CENPF: variants seen among roughly 807,000 people sequenced by gnomAD.
CENPF encodes the protein centromere protein F.
CENPF carries 214 observed loss-of-function variants against 307.3 expected under a neutral mutation model. The observed-to-expected ratio is 0.70, with a 90% confidence interval of 0.62 to 0.78. CENPF has a LOEUF of 0.78. CENPF is among the 30% of genes least tolerant of loss of function. The probability of loss-of-function intolerance (pLI) is 0.00; values close to 1 mark genes in which losing one functional copy is unlikely to be tolerated. For synonymous variants in CENPF, 1,259 were observed against 1,270.6 expected, an observed-to-expected ratio of 0.99 and a Z score of 0.19; for missense variants, 3,401 against 3,483.9, an observed-to-expected ratio of 0.98 and a Z score of 0.60.
chr1:214,605,066 CA>C (rs1400865937), intron 1 of CENPF, among the ~76,000 whole-genome samples: 1 of 152,092 alleles, frequency 6.6e-6, no homozygotes, highest in Non-Finnish European at 1.5e-5. Context: ...AACAAATTCT[CA>C]AACTCTTGCC....
chr1:214,642,071 C>T lies in CENPF; in HGVS notation c.3733C>T (p.Leu1245Phe). The T allele has an allele frequency of 1.9e-6, 3 of 1,610,868 alleles. No homozygotes were observed. Among genetic ancestry groups the T allele is most frequent in the Non-Finnish European group, 2.5e-6 (3 of 1,179,088 alleles). The change falls in exon 12 of 20, where the codon CTT becomes TTT. Residue 1245 changes from leucine to phenylalanine, a missense_variant. By Grantham distance (22) the Leu-to-Phe change is conservative. Transcript: ENST00000366955. ...QHELQTIRGDLETSNLQDMQS... is the reference protein window; with the variant it reads ...QHELQTIRGDFETSNLQDMQS... Reference sequence around the variant, plus strand: ...TGAATTACAGACAATTAGAGGAGATCTTGAAACCAGCAATTTGCAAGACAT... The same window carrying T: ...TGAATTACAGACAATTAGAGGAGATTTTGAAACCAGCAATTTGCAAGACAT...
intron 14 of CENPF, among the ~76,000 whole-genome samples, chr1:214,650,201 G>C (rs540357045): frequency 3.3e-5 from 5 of 152,126 alleles, no homozygotes; most frequent in South Asian, 2.1e-4. Context: ...ACCAGGCAGT[G>C]GTGGGGAGCC....
chr1:214,605,788 C>CGTG, intron 1 of CENPF: 2 of 1,591,264 alleles, frequency 1.3e-6, no homozygotes, highest in Non-Finnish European at 1.7e-6. Flanking sequence ...GCGGCTCCAC[C>CGTG]GCCTTGGGGC....
intron 16 of CENPF, 103 bp from the exon 17 acceptor site, chr1:214,655,134 ATAAT>A: frequency 1.4e-6 from 1 of 692,292 alleles, no homozygotes; most frequent in Non-Finnish European, 2.2e-6. Context: ...ATTGAATCTA[ATAAT>A]TCTTAAATTT....
intron 7 of CENPF, 82 bp from the exon 8 acceptor site, chr1:214,628,964 G>A (rs1657731299): frequency 2.0e-5 from 21 of 1,032,362 alleles, no homozygotes; most frequent in Non-Finnish European, 2.6e-5. Context: ...AACAATTATA[G>A]CAGTTTTTCT....
At chr1:214,617,413 C>G (rs547536725) in intron 3 of CENPF, among the ~76,000 whole-genome samples, 266 of 152,260 alleles carry the variant, frequency 1.7e-3, no homozygotes, top group Non-Finnish European at 2.9e-3. Flanking sequence ...CACCATTAGC[C>G]ATTCTAAAAG....
intron 11 of CENPF, among the ~76,000 whole-genome samples, chr1:214,639,051 C>T (rs1165089753): frequency 2.0e-5 from 3 of 152,164 alleles, no homozygotes; most frequent in Non-Finnish European, 2.9e-5. Context: ...AGATTGACAG[C>T]TTAGAAGTTC....
In CENPF at chr1:214,640,891, G is replaced by C; in HGVS notation, c.2553G>C (p.Lys851Asn). The C allele has an allele frequency of 7.5e-6, 12 of 1,605,450 alleles. No individual in the cohort carries two copies. Among genetic ancestry groups the C allele is most frequent in the Admixed American group, 1.7e-5 (1 of 57,772 alleles). The change falls in exon 12 of 20, where the codon AAG (lysine) becomes AAC (asparagine). Residue 851 changes from lysine to asparagine, a missense_variant. Transcript: ENST00000366955. The stretch of plus-strand genomic sequence containing the variant: ...AACAGATGAACTCAGACCTGCAAAA[G>C]CAGTGTGAAGAGTTGGTGCAAATCA... ...SQKQMNSDLQ[K>N]QCEELVQIKG...
chr1:214,642,509 G>T lies in CENPF; in HGVS notation c.4171G>T (p.Glu1391Ter), dbSNP rs141352776. Reference protein sequence around the residue: ...LAPLDESNSYEHLTLSDKEVQ... With the variant: ...LAPLDESNSY ...TCCATTGGACGAGAGTAATTCCTAC[G>T]AGCACTTGACATTGTCAGACAAAGA... is the stretch of plus-strand genomic sequence containing the variant. The change falls in exon 12 of 20, where the codon GAG (glutamate) becomes TAG (stop). Residue 1391 changes from glutamate to a stop codon, truncating the protein, a stop_gained. Coordinates refer to ENST00000366955, the MANE Select transcript of CENPF (RefSeq NM_016343.4). LOFTEE classifies it high-confidence loss of function. 67 of 1,611,414 alleles carry T rather than the reference G, an allele frequency of 4.2e-5. No individual in the cohort carries two copies. The highest frequency in any genetic ancestry group is 5.7e-5 in the Non-Finnish European group (67 of 1,178,864).
chr1:214,605,789 G>A (rs1657009553), intron 1 of CENPF: 3 of 1,591,268 alleles, frequency 1.9e-6, no homozygotes, highest in South Asian at 1.1e-5. Context: ...CGGCTCCACC[G>A]CCTTGGGGCA....
chr1:214,628,222 T>G (rs557482366), intron 7 of CENPF, among the ~76,000 whole-genome samples: 1 of 152,320 alleles, frequency 6.6e-6, no homozygotes, highest in African/African-American at 2.4e-5. Flanking sequence ...TAAAATTTTT[T>G]AAATAAAATG....
intron 7 of CENPF, 94 bp downstream of exon 7, chr1:214,622,375 G>A: frequency 9.5e-7 from 1 of 1,054,162 alleles, no homozygotes; most frequent in Non-Finnish European, 1.4e-6. Context: ...TGAAATGTCA[G>A]TAATGTTCTT....
chr1:214,656,235 G>A (rs74140302), intron 17 of CENPF, among the ~76,000 whole-genome samples: 1,815 of 152,264 alleles, frequency 0.012, 35 homozygotes, highest in African/African-American at 0.04. Context: ...TGTGCTTACC[G>A]TGTGGATAGA....
chr1:214,649,942 AC>A (rs1366046775), intron 14 of CENPF, among the ~76,000 whole-genome samples: 1 of 152,230 alleles, frequency 6.6e-6, no homozygotes, highest in Non-Finnish European at 1.5e-5. Context: ...ATTGAACCAT[AC>A]CTATCCTGTG....
Position 214,619,239 on chromosome 1 carries a change from CT to C in CENPF, c.573+20del. The C allele has an allele frequency of 5.9e-6, 7 of 1,193,948 alleles. No homozygotes were observed. The highest frequency in any genetic ancestry group is 2.6e-5 in the South Asian group (2 of 77,646). 74.0% of individuals were successfully genotyped at this position (1,193,948 alleles called of 1,614,324 possible). The stretch of plus-strand genomic sequence containing the variant: ...GGCTAAAGTAAGTTAATTATGGGCC[CT>C]ATAATAGAGTATGCAGTTATAGAAT... On this transcript the variant is annotated intron_variant, in intron 5 of 19. Coordinates refer to ENST00000366955, the MANE Select transcript of CENPF (RefSeq NM_016343.4).
At chr1:214,631,422 C>G (rs1203624981) in intron 9 of CENPF, among the ~76,000 whole-genome samples, 4 of 152,188 alleles carry the variant, frequency 2.6e-5, no homozygotes, top group African/African-American at 7.2e-5. Flanking sequence ...TTCTATAGGT[C>G]AGATTTCTGC....
In CENPF at chr1:214,664,504, C is replaced by T. The variant is rs911530002; in HGVS notation, c.*710C>T. 4.6e-5 allele frequency: 7 copies of T among 152,120 alleles called. No homozygotes were observed. The highest frequency in any genetic ancestry group is 1.7e-4 in the African/African-American group (7 of 41,414). 9.4% of individuals were successfully genotyped at this position (152,120 alleles called of 1,614,324 possible). On this transcript the variant is annotated 3_prime_UTR_variant, in exon 20 of 20. Coordinates refer to ENST00000366955, the MANE Select transcript of CENPF (RefSeq NM_016343.4). ...TTTACAGTTCTTTGGTAAGCATTGTCGTATCTGGTGATGGATTAACATATA... is the reference window on the plus strand; with the variant it reads ...TTTACAGTTCTTTGGTAAGCATTGTTGTATCTGGTGATGGATTAACATATA...
intron 2 of CENPF, 82 bp from the exon 3 acceptor site, chr1:214,614,750 A>C: frequency 1.1e-6 from 1 of 877,318 alleles, no homozygotes; most frequent in Non-Finnish European, 1.7e-6. Context: ...TTTAGTAGTC[A>C]ATGTTAGACT....
chr1:214,647,169 C>T lies in CENPF; in HGVS notation c.7599C>T (p.Asp2533=), dbSNP rs764988127. 3.7e-6 allele frequency: 6 copies of T among 1,614,038 alleles called. No individual in the cohort carries two copies. Among genetic ancestry groups the T allele is most frequent in the South Asian group, 1.1e-5 (1 of 91,078 alleles). ...GTAGACTGAAAAATCAAATTCAAGA[C>T]CAAGAGCAGCTTGTCTCTAAACTGT... ...EISRLKNQIQ[D]QEQLVSKLSQ... The change falls in exon 13 of 20, where the codon GAC becomes GAT. Residue 2533 remains aspartate (D), a synonymous_variant. Transcript: ENST00000366955.
Sources: gnomAD v4.1 joint callset for allele counts (sites outside exome capture counted in the v4.1 genomes callset) on GRCh38, gnomAD v4.1.1 for gene constraint, MANE v1.5 for transcripts, NCBI Gene and HGNC (gene_info 2026-07-23, HGNC 2026-07-21) for gene names.